DSG4: variants seen among roughly 807,000 people sequenced by gnomAD.
DSG4 encodes the protein desmoglein-4.
Under a neutral mutation model 93.1 loss-of-function variants are expected in DSG4, and 87 were observed. That is an observed-to-expected ratio of 0.93 (90% CI 0.79 to 1.12). DSG4 has a LOEUF of 1.12. DSG4 is among the 50% of genes most tolerant of loss of function. The probability of loss-of-function intolerance (pLI) is 0.00; values close to 1 mark genes in which losing one functional copy is unlikely to be tolerated. For synonymous variants in DSG4, 432 were observed against 452.9 expected, an observed-to-expected ratio of 0.95 and a Z score of 0.59; for missense variants, 1,373 against 1,285.7, an observed-to-expected ratio of 1.07 and a Z score of -1.04.
intron 8 of DSG4, among the ~76,000 whole-genome samples, chr18:31,398,026 C>CAAAA (rs58572396): frequency 1.2e-5 from 1 of 80,806 alleles, no homozygotes; most frequent in Non-Finnish European, 2.4e-5. Flanking sequence ...GACCCTGTCT[C>CAAAA]AAAAAAAAAA....
chr18:31,405,978 A>G, intron 11 of DSG4, 99 bp from the exon 12 acceptor site: 1 of 1,324,966 alleles, frequency 7.5e-7, no homozygotes, highest in Non-Finnish European at 1.1e-6. Context: ...TGAAAAATCT[A>G]GTGTTTTAAG....
intron 8 of DSG4, among the ~76,000 whole-genome samples, chr18:31,393,560 T>C (rs1030062960): frequency 2.6e-5 from 4 of 152,034 alleles, no homozygotes; most frequent in African/African-American, 9.7e-5. Context: ...AAAAACTCAT[T>C]TATCACCAAG....
chr18:31,387,586 T>C (rs1488747599), intron 3 of DSG4, among the ~76,000 whole-genome samples: 1 of 152,184 alleles, frequency 6.6e-6, no homozygotes, highest in East Asian at 1.9e-4. Flanking sequence ...ATATTGCATA[T>C]TCTTTTCTTT....
intron 11 of DSG4, among the ~76,000 whole-genome samples, chr18:31,404,149 C>A (rs1048784189): frequency 1.3e-5 from 2 of 151,944 alleles, no homozygotes; most frequent in South Asian, 4.2e-4. Context: ...AATTTAAATC[C>A]AAATTGCTCA....
chr18:31,388,929 T>G lies in DSG4; in HGVS notation c.428T>G (p.Leu143Arg), dbSNP rs2072219514. The G allele has an allele frequency of 1.2e-6, 2 of 1,613,662 alleles. No homozygotes were observed. Among genetic ancestry groups the G allele is most frequent in the Middle Eastern group, 1.7e-4 (1 of 6,058 alleles). Residue 143 changes from leucine to arginine, a missense_variant, in exon 5 of 16, where the codon CTT becomes CGT. By Grantham distance (102) the Leu-to-Arg change is moderately radical. Coordinates refer to ENST00000308128, the MANE Select transcript of DSG4 (RefSeq NM_177986.5). ...RGEDLERPLE[L>R]RVKVMDINDN... ...GAAGATTTAGAAAGGCCTCTTGAGC[T>G]TAGAGTCAAAGTTATGGACATAAAT...
chr18:31,389,892 C>T (rs942208312), intron 5 of DSG4, among the ~76,000 whole-genome samples: 12 of 152,216 alleles, frequency 7.9e-5, no homozygotes, highest in Middle Eastern at 3.4e-3. Context: ...AGAGAGACTC[C>T]GAAGTCCATC....
chr18:31,389,064 C>T (rs1277946308), intron 5 of DSG4, 46 bp downstream of exon 5: 1 of 1,605,384 alleles, frequency 6.2e-7, no homozygotes, highest in Non-Finnish European at 8.5e-7. Context: ...ATATCTACTT[C>T]TCTTGGTCAA....
chr18:31,385,644 G>A (rs887500139), intron 2 of DSG4, among the ~76,000 whole-genome samples: 1 of 152,074 alleles, frequency 6.6e-6, no homozygotes, highest in Non-Finnish European at 1.5e-5. Flanking sequence ...CTCTGGCAGA[G>A]CTTTATTTTA....
In DSG4 at chr18:31,411,339, C is replaced by T. The variant is rs751738925; in HGVS notation, c.2246C>T (p.Ala749Val). 6.2e-7 allele frequency: 1 copy of T among 1,613,958 alleles called. No individual in the cohort carries two copies. The highest frequency in any genetic ancestry group is 8.5e-7 in the Non-Finnish European group (1 of 1,180,028). ...GCCGTTGGCCTCATGGCCGCAGGGG[C>T]CGCAGGAGCCTCAGGGGCCGCAAGG... Reference protein sequence around the residue: ...GTAVGLMAAGAAGASGAARKR... With the variant: ...GTAVGLMAAGVAGASGAARKR... Residue 749 changes from alanine to valine, a missense_variant, in exon 15 of 16, where the codon GCC becomes GTC. Ala to Val is a moderately conservative substitution (Grantham distance 64). Transcript: ENST00000308128.
chr18:31,397,620 G>A (rs188711940), intron 8 of DSG4, among the ~76,000 whole-genome samples: 58 of 152,118 alleles, frequency 3.8e-4, no homozygotes, highest in Admixed American at 1.4e-3. Context: ...GACACATGTT[G>A]GTATATTTTC....
At chr18:31,411,853 A>C (rs184354558) in intron 15 of DSG4, among the ~76,000 whole-genome samples, 134 of 152,246 alleles carry the variant, frequency 8.8e-4, no homozygotes, top group Middle Eastern at 3.4e-3. Context: ...CCAACAGAAA[A>C]GAGAAAATAA....
chr18:31,403,751 T>C, intron 11 of DSG4, 117 bp downstream of exon 11: 3 of 926,442 alleles, frequency 3.2e-6, no homozygotes, highest in Non-Finnish European at 5.1e-6. Context: ...GTTCTTGCCA[T>C]ATTAACATTA....
intron 1 of DSG4, among the ~76,000 whole-genome samples, chr18:31,377,774 G>T (rs909150903): frequency 6.6e-6 from 1 of 152,154 alleles, no homozygotes; most frequent in Non-Finnish European, 1.5e-5. Flanking sequence ...AAGAGGACAG[G>T]ATTATTAGGA....
At chr18:31,381,473 C>A (rs1394026260) in intron 1 of DSG4, among the ~76,000 whole-genome samples, 1 of 152,172 alleles carries the variant, frequency 6.6e-6, no homozygotes, top group Admixed American at 6.5e-5. Flanking sequence ...ACTCTGCCAG[C>A]ATTGACTCCC....
chr18:31,380,839 A>G (rs545818581), intron 1 of DSG4, among the ~76,000 whole-genome samples: 2 of 152,320 alleles, frequency 1.3e-5, no homozygotes, highest in East Asian at 3.9e-4. Flanking sequence ...TCAGAATGTA[A>G]GAGAATAATA....
chr18:31,381,592 C>T (rs561669530), intron 1 of DSG4, among the ~76,000 whole-genome samples: 52 of 152,176 alleles, frequency 3.4e-4, no homozygotes, highest in African/African-American at 1.2e-3. Flanking sequence ...TAACATGTCA[C>T]TCTTTCTAGG....
intron 8 of DSG4, among the ~76,000 whole-genome samples, chr18:31,396,888 ACTC>A: frequency 6.6e-6 from 1 of 151,870 alleles, no homozygotes; most frequent in South Asian, 2.1e-4. Flanking sequence ...ACCACTATAA[ACTC>A]CTTCCCAGCT....
Position 31,399,300 on chromosome 18 carries a change from T to C in DSG4, c.1034T>C (p.Ile345Thr). The C allele has an allele frequency of 6.2e-7, 1 of 1,613,862 alleles. No individual in the cohort carries two copies. Among genetic ancestry groups the C allele is most frequent in the East Asian group, 2.2e-5 (1 of 44,840 alleles). Residue 345 changes from isoleucine to threonine, a missense_variant, in exon 9 of 16, where the codon ATT becomes ACT. Physicochemically the swap from Ile to Thr is moderately conservative, Grantham distance 89. Coordinates refer to ENST00000308128, the MANE Select transcript of DSG4 (RefSeq NM_177986.5). ...KMLDYEQAPN[I>T]QLSIGVKNQA... The stretch of plus-strand genomic sequence containing the variant: ...CTGGATTATGAACAAGCACCTAACA[T>C]TCAGCTTAGTATCGGAGTTAAAAAC...
chr18:31,388,292 C>G, intron 3 of DSG4, 75 bp from the exon 4 acceptor site: 2 of 1,546,950 alleles, frequency 1.3e-6, no homozygotes, highest in South Asian at 2.3e-5. Context: ...GAAACCCACT[C>G]CCTTCTTATT....
Sources: gnomAD v4.1 joint callset for allele counts (sites outside exome capture counted in the v4.1 genomes callset) on GRCh38, gnomAD v4.1.1 for gene constraint, MANE v1.5 for transcripts, NCBI Gene and HGNC (gene_info 2026-07-23, HGNC 2026-07-21) for gene names.